Variants in ANKRD11 observed in about 807,000 individuals in gnomAD.
ANKRD11 encodes the protein ankyrin repeat domain-containing protein 11.
Under a neutral mutation model 195.7 loss-of-function variants are expected in ANKRD11, and 17 were observed. The observed-to-expected ratio is 0.09, with a 90% CI of 0.06 to 0.13. The LOEUF is 0.13. Ranked by LOEUF, ANKRD11 falls within the 10% of genes least tolerant of loss-of-function variation. The probability of loss-of-function intolerance (pLI) is 1.00; values close to 1 mark genes in which losing one functional copy is unlikely to be tolerated. For missense variants in ANKRD11, 3,735 were observed against 3,566.1 expected (o/e 1.05, Z -1.21); for synonymous variants, 1,953 against 1,528.1 (o/e 1.28, Z -6.49).
chr16:89,344,040 C>A (rs987306579), intron 2 of ANKRD11, among the ~76,000 whole-genome samples: 2 of 152,192 alleles, frequency 1.3e-5, no homozygotes, highest in Non-Finnish European at 2.9e-5. Flanking sequence ...ACTCCTCAAG[C>A]CCGGCCCCGC....
rs2043474954 is a variant in ANKRD11 at position 89,441,559 on chromosome 16, A to T, written c.-144-23191T>A. On this transcript the variant is annotated intron_variant, in intron 1 of 12. Coordinates refer to ENST00000301030, the MANE Select transcript of ANKRD11 (RefSeq NM_013275.6). Reference sequence around the variant, plus strand: ...AAGGCGGGCGGATCACGAGGTCAGCAGATGGAGACCATCCTGGCTAACATG... The same window carrying T: ...AAGGCGGGCGGATCACGAGGTCAGCTGATGGAGACCATCCTGGCTAACATG... Among the ~76,000 whole-genome samples the T allele has an allele frequency of 3.3e-5, 5 of 152,168 alleles. 1 individual carries two copies. The Middle Eastern group carries it at 0.01, about 311-fold the overall frequency.
intron 1 of ANKRD11, among the ~76,000 whole-genome samples, chr16:89,441,575 G>A (rs370856867): frequency 6.6e-6 from 1 of 151,868 alleles, no homozygotes; most frequent in Non-Finnish European, 1.5e-5. Flanking sequence ...AGACCATCCT[G>A]GCTAACATGG....
At chr16:89,341,051 C>T (rs2038630569) in intron 2 of ANKRD11, among the ~76,000 whole-genome samples, 1 of 152,206 alleles carries the variant, frequency 6.6e-6, no homozygotes. Context: ...CTTCAGAATC[C>T]TTTAACATAT....
rs1489424931 is a variant in ANKRD11, at chr16:89,281,513, T to C, written c.5029A>G (p.Lys1677Glu). 1.2e-6 allele frequency: 2 copies of C among 1,614,234 alleles called. No homozygotes were observed. Among genetic ancestry groups the C allele is most frequent in the South Asian group, 1.1e-5 (1 of 91,088 alleles). ...ATGTGAGGGCCTGCCAGCCAGTCTT[T>C]GGAGTCTGCACCTGATGCTGGGTGT... ...KLHPASGADSKDWLAGPHMKE... is the reference protein window; with the variant it reads ...KLHPASGADSEDWLAGPHMKE... The change falls in exon 9 of 13, where the codon AAA becomes GAA. Residue 1677 changes from lysine (K) to glutamate (E), a missense_variant. By Grantham distance (56) the Lys-to-Glu change is moderately conservative (BLOSUM62 1). Transcript: ENST00000301030. The surrounding 1 kb of genome is among the most constrained non-coding windows in gnomAD (Gnocchi z 5.5).
intron 2 of ANKRD11, among the ~76,000 whole-genome samples, chr16:89,353,403 A>T (rs2039314433): frequency 6.6e-6 from 1 of 152,178 alleles, no homozygotes; most frequent in African/African-American, 2.4e-5. Context: ...TTATTTCTCC[A>T]GAGGATCTCA....
At chr16:89,347,454 C>CA (rs1299166030) in intron 2 of ANKRD11, among the ~76,000 whole-genome samples, 3 of 151,720 alleles carry the variant, frequency 2.0e-5, no homozygotes, top group Admixed American at 1.3e-4. Context: ...CTAAAAAATA[C>CA]AAAAAAATTA....
rs999130123 is a variant in ANKRD11 at position 89,279,452 on chromosome 16, C to T, written c.7090G>A (p.Ala2364Thr). Reference sequence around the variant, plus strand: ...CGGGCCTTGGCCCTGGTGACCGGGGCAGGGGTGGGGGCGCACTCCTTCTCG... The same window carrying T: ...CGGGCCTTGGCCCTGGTGACCGGGGTAGGGGTGGGGGCGCACTCCTTCTCG... ...PSEKECAPTP[A>T]PVTRAKARGS... is the part of the protein sequence containing the mutation. Residue 2364 changes from alanine to threonine, a missense_variant, in exon 9 of 13, where the codon GCC becomes ACC. Coordinates refer to ENST00000301030, the MANE Select transcript of ANKRD11 (RefSeq NM_013275.6). The surrounding 1 kb of genome is among the most constrained non-coding windows in gnomAD (Gnocchi z 5.6). The T allele has an allele frequency of 6.7e-7, 1 of 1,482,524 alleles. No individual in the cohort carries two copies. Among genetic ancestry groups the T allele is most frequent in the South Asian group, 1.2e-5 (1 of 82,338 alleles). 91.8% of individuals were successfully genotyped at this position (1,482,524 alleles called of 1,614,324 possible).
chr16:89,289,281 T>C (rs1224855520), intron 6 of ANKRD11, among the ~76,000 whole-genome samples: 1 of 150,896 alleles, frequency 6.6e-6, no homozygotes, highest in Non-Finnish European at 1.5e-5. Flanking sequence ...TTTAGAAAAA[T>C]GCTTTAAAAA....
intron 2 of ANKRD11, among the ~76,000 whole-genome samples, chr16:89,328,658 G>A (rs997719126): frequency 6.6e-6 from 1 of 150,808 alleles, no homozygotes; most frequent in African/African-American, 2.5e-5. Context: ...AATCAGCGGA[G>A]GCCCCTGCTG....
intron 4 of ANKRD11, among the ~76,000 whole-genome samples, chr16:89,296,245 A>C (rs1263057961): frequency 6.6e-6 from 1 of 151,916 alleles, no homozygotes; most frequent in Non-Finnish European, 1.5e-5. Context: ...ATAATTCATT[A>C]TACTTTTTGA....
rs1323510354 is a variant in ANKRD11, at chr16:89,332,389, C to CA, written c.-59-15312dup. Among the ~76,000 whole-genome samples the CA allele has an allele frequency of 5.3e-5, 8 of 152,334 alleles. No homozygotes were observed. In the South Asian group the frequency reaches 1.4e-3, roughly 28 times the overall value. On this transcript the variant is annotated intron_variant, in intron 2 of 12. Coordinates refer to ENST00000301030, the MANE Select transcript of ANKRD11 (RefSeq NM_013275.6). ...TTTCAGAAAGAAACACTGAGCCCCCCAAGTCCCCGAGGACAGAGATGCCTT... is the reference window on the plus strand; with the variant it reads ...TTTCAGAAAGAAACACTGAGCCCCCCAAAGTCCCCGAGGACAGAGATGCCTT...
At chr16:89,332,732 G>A (rs2038131869) in intron 2 of ANKRD11, among the ~76,000 whole-genome samples, 2 of 152,216 alleles carry the variant, frequency 1.3e-5, no homozygotes, top group African/African-American at 4.8e-5. Context: ...TGCCCTCTCT[G>A]AGGAAAGTGC....
intron 2 of ANKRD11, among the ~76,000 whole-genome samples, chr16:89,374,438 G>A (rs957187219): frequency 2.0e-5 from 3 of 152,142 alleles, no homozygotes; most frequent in African/African-American, 7.2e-5. Flanking sequence ...AACAGGAACT[G>A]TACATCCAGA....
At chr16:89,392,225 G>C (rs1249278701) in intron 2 of ANKRD11, among the ~76,000 whole-genome samples, 1 of 152,232 alleles carries the variant, frequency 6.6e-6, no homozygotes, top group African/African-American at 2.4e-5. Context: ...AACTGCAGGC[G>C]AGTGTACCCT....
At position 89,281,425 on chromosome 16, in the gene ANKRD11, G is replaced by C. The variant is rs765241145; in HGVS notation, c.5117C>G (p.Pro1706Arg). The C allele has an allele frequency of 5.0e-6, 8 of 1,612,590 alleles. No individual in the cohort carries two copies. Among genetic ancestry groups the C allele is most frequent in the East Asian group, 4.5e-5 (2 of 44,850 alleles). ...DQSRPTGVPT[P>R]TSVLSCPSYE... ...GCTGGGGCAGGATAGCACCGACGTA[G>C]GGGTGGGCACGCCAGTGGGCCGGCT... is the stretch of plus-strand genomic sequence containing the variant. Residue 1706 changes from proline to arginine, a missense_variant, in exon 9 of 13, where the codon CCT becomes CGT. By Grantham distance (103) the Pro-to-Arg change is moderately radical. Transcript: ENST00000301030. The surrounding 1 kb of genome is among the most constrained non-coding windows in gnomAD (Gnocchi z 5.5).
At chr16:89,468,175 T>C (rs1377978954) in intron 1 of ANKRD11, among the ~76,000 whole-genome samples, 1 of 152,206 alleles carries the variant, frequency 6.6e-6, no homozygotes, top group Non-Finnish European at 1.5e-5. Context: ...TAGTGTTAAC[T>C]TGAAAAGGAA....
chr16:89,399,163 G>C (rs113415525), intron 2 of ANKRD11, among the ~76,000 whole-genome samples: 2 of 152,242 alleles, frequency 1.3e-5, no homozygotes, highest in Non-Finnish European at 2.9e-5. Flanking sequence ...ACGAGTCCAC[G>C]CAAGGACACC....
rs999795056 is a variant in ANKRD11, at chr16:89,490,517, G to A, written c.-417C>T. 1.1e-5 allele frequency: 5 copies of A among 471,550 alleles called. No individual in the cohort carries two copies. Among genetic ancestry groups the A allele is most frequent in the African/African-American group, 6.1e-5 (3 of 49,338 alleles). The allele number at this position is 471,550 out of a possible 1,614,324, so 29.2% of individuals were successfully genotyped here. A position where few individuals can be genotyped will look rare whatever the true frequency, so the allele number is the denominator to read the frequency against. ...GCGGGCTCGGCGGCGGCGCCTCCCC[G>A]GCTGGGGCCCTCGGTCCATCGCGCA... On this transcript the variant is annotated 5_prime_UTR_variant, in exon 1 of 13. Transcript: ENST00000301030.
At chr16:89,358,383 A>G (rs1411589708) in intron 2 of ANKRD11, among the ~76,000 whole-genome samples, 1 of 152,264 alleles carries the variant, frequency 6.6e-6, no homozygotes, top group Non-Finnish European at 1.5e-5. Flanking sequence ...TGCACAGCTT[A>G]GCGACCACGT....
Sources: allele counts gnomAD v4.1 joint callset (sites outside exome capture counted in the v4.1 genomes callset), GRCh38; gene constraint gnomAD v4.1.1; non-coding constraint Gnocchi (gnomAD v3.1); transcripts MANE v1.5; gene names NCBI Gene and HGNC (gene_info 2026-07-23, HGNC 2026-07-21).